The following JAML variants were observed in gnomAD, a reference collection of about 807,000 sequenced individuals.
JAML encodes junction adhesion molecule like.
In JAML, 25 loss-of-function variants were observed where a neutral mutation model predicts 39.3. The ratio of observed to expected loss-of-function variants is 0.64; its 90% CI spans 0.46 to 0.89. JAML has a LOEUF of 0.89. Ranked by LOEUF, JAML falls within the 40% of genes least tolerant of loss-of-function variation. The pLI, the probability that JAML is intolerant of heterozygous loss-of-function variation, is 0.00. For missense variants in JAML, 440 were observed against 486.9 expected, an observed-to-expected ratio of 0.90 and a Z score of 0.91; for synonymous variants, 162 against 179.2, an observed-to-expected ratio of 0.90 and a Z score of 0.77.
intron 2 of JAML, chr11:118,212,814 A>G (rs1949089138): frequency 2.5e-6 from 4 of 1,612,834 alleles, no homozygotes; most frequent in East Asian, 2.2e-5. Flanking sequence ...AGCCCCTTAC[A>G]CTTTTCTGGA....
chr11:118,197,795 G>T, intron 8 of JAML: 1 of 544,464 alleles, frequency 1.8e-6, no homozygotes, highest in Non-Finnish European at 3.3e-6. Flanking sequence ...AGGATCTGCT[G>T]CCTGGGGCTG....
rs1000668434 is a variant in JAML at position 118,203,685 on chromosome 11, A to C, written c.535-20T>G. ...CTCCTCCTAGAAGTGAAAGACAAAA[A>C]GTATGATATTGTGAGGACTGGAGTG... On this transcript the variant is annotated intron_variant, in intron 5 of 9. Transcript: ENST00000356289. 6.3e-6 allele frequency: 10 copies of C among 1,591,944 alleles called. No individual in the cohort carries two copies. The highest frequency in any genetic ancestry group is 6.9e-6 in the Non-Finnish European group (8 of 1,159,926).
chr11:118,210,669 A>G lies in JAML; in HGVS notation c.242T>C (p.Ile81Thr). 6.2e-7 allele frequency: 1 copy of G among 1,614,224 alleles called. No individual in the cohort carries two copies. Among genetic ancestry groups the G allele is most frequent in the Non-Finnish European group, 8.5e-7 (1 of 1,180,012 alleles). The change falls in exon 4 of 10, where the codon ATT becomes ACT. Residue 81 changes from isoleucine (I) to threonine (T), a missense_variant. Coordinates refer to ENST00000356289, the MANE Select transcript of JAML (RefSeq NM_001098526.2). ...LYYYSNLSVP[I>T]GRFQNRVHLM... is the part of the protein sequence containing the mutation. ...GTGTACGCGGTTCTGGAAGCGCCCA[A>G]TAGGCACACTGAGATTGGAGTAATA...
At chr11:118,217,179 G>A (rs77754980) in intron 1 of JAML, among the ~76,000 whole-genome samples, 2,076 of 152,306 alleles carry the variant, frequency 0.014, 45 homozygotes, top group African/African-American at 0.048. Flanking sequence ...TCCTGTTACC[G>A]TGGGGCAGCA....
At position 118,214,906 on chromosome 11, in the gene JAML, A is replaced by C. The variant is rs775988855; in HGVS notation, c.-20-20T>G. 1.2e-5 allele frequency: 19 copies of C among 1,602,206 alleles called. No homozygotes were observed. In the South Asian group the frequency reaches 1.3e-4, roughly 11 times the overall value. The stretch of plus-strand genomic sequence containing the variant: ...TCAAATCTTAAGATAAAAGAACAAA[A>C]ATCACAAAATCATGTCAAGAGAAGC... On this transcript the variant is annotated intron_variant, in intron 1 of 9. Coordinates refer to ENST00000356289, the MANE Select transcript of JAML (RefSeq NM_001098526.2).
rs768809230 is a variant in JAML, at chr11:118,200,563, C to T, written c.822G>A (p.Gln274=). The change falls in exon 7 of 10, where the codon CAG becomes CAA. Residue 274 remains glutamine, a synonymous_variant. Transcript: ENST00000356289. ...ALRPLVLGGN[Q]LVIIVGIVCA... ...AGACAATTCCCACAATGATCACCAA[C>T]TGATTACCACCCAAGACCAGAGGCC... 6.2e-7 allele frequency: 1 copy of T among 1,614,154 alleles called. No homozygotes were observed. Among genetic ancestry groups the T allele is most frequent in the East Asian group, 2.2e-5 (1 of 44,880 alleles).
intron 2 of JAML, chr11:118,213,095 C>T: frequency 1.3e-6 from 2 of 1,488,760 alleles, no homozygotes; most frequent in African/African-American, 1.4e-5. Context: ...GCACAGCTTT[C>T]CTCCTGCATT....
At chr11:118,219,431 A>G (rs1949185561) in intron 1 of JAML, among the ~76,000 whole-genome samples, 1 of 152,196 alleles carries the variant, frequency 6.6e-6, no homozygotes, top group African/African-American at 2.4e-5. Flanking sequence ...GGTGAGGAAG[A>G]ACAATGAACA....
At chr11:118,199,264 C>A (rs7116375) in intron 7 of JAML, among the ~76,000 whole-genome samples, 35,040 of 152,026 alleles carry the variant, frequency 0.23, 4,624 homozygotes, top group African/African-American at 0.36. Context: ...TGGCGGGAAA[C>A]TGAGGTCCCG....
rs774801390 is a variant in JAML at position 118,203,654 on chromosome 11, TACAATCTCCTC to T, written c.535_545del (p.Glu179IlefsTer34). 6.2e-7 allele frequency: 1 copy of T among 1,611,068 alleles called. No individual in the cohort carries two copies. The highest frequency in any genetic ancestry group is 1.3e-5 in the African/African-American group (1 of 74,884). On this transcript the variant is annotated frameshift_variant and splice_region_variant, in exon 6 of 10. Coordinates refer to ENST00000356289, the MANE Select transcript of JAML (RefSeq NM_001098526.2). LOFTEE classifies it high-confidence loss of function. The stretch of plus-strand genomic sequence containing the variant: ...TCCTGAGTTTGTGGTAGTAACGAAA[TACAATCTCCTC>T]CTAGAAGTGAAAGACAAAAAGTATG...
Position 118,218,872 on chromosome 11 carries a change from T to C in JAML, c.-20-3986A>G, listed in dbSNP as rs184372756. Reference sequence around the variant, plus strand: ...ACCTTGATAATAGACACCATTGACATTCACAACTTCTACACTGCTTCCTTC... The same window carrying C: ...ACCTTGATAATAGACACCATTGACACTCACAACTTCTACACTGCTTCCTTC... On this transcript the variant is annotated intron_variant, in intron 1 of 9. Transcript: ENST00000356289. 3.3e-5 allele frequency among the ~76,000 whole-genome samples: 5 copies of C among 152,196 alleles called. No individual in the cohort carries two copies. In the East Asian group the frequency reaches 9.6e-4, roughly 29 times the overall value.
intron 3 of JAML, among the ~76,000 whole-genome samples, chr11:118,210,991 C>T (rs951019621): frequency 7.2e-5 from 11 of 152,346 alleles, no homozygotes; most frequent in East Asian, 1.9e-4. Context: ...GATCACTCTA[C>T]GGTTTTTAAC....
chr11:118,202,046 G>C (rs1051810981), intron 6 of JAML: 1 of 152,364 alleles, frequency 6.6e-6, no homozygotes, highest in African/African-American at 2.4e-5. Context: ...AGAAGGCTGA[G>C]GATGGATAAT....
chr11:118,197,760 A>G (rs183500127), intron 8 of JAML: 23 of 479,474 alleles, frequency 4.8e-5, no homozygotes, highest in Non-Finnish European at 7.9e-5. Context: ...CTCCAAGCGC[A>G]GTGCTCTTTC....
intron 6 of JAML, chr11:118,203,167 C>T (rs556632289): frequency 1.6e-6 from 1 of 618,134 alleles, no homozygotes; most frequent in Non-Finnish European, 3.0e-6. Context: ...TGGGGTCTGG[C>T]AGAGGATTGG....
Position 118,196,744 on chromosome 11 carries a change from G to C in JAML, c.1083C>G (p.Tyr361Ter), listed in dbSNP as rs918437049. Reference protein sequence around the residue: ...EEPSEKSEATYMTMHPVWPSL... With the variant: ...EEPSEKSEAT Reference sequence around the variant, plus strand: ...CCAGAATCATTCTCACCATGGTCATGTAGGTGGCCTCTGATTTTTCACTTG... The same window carrying C: ...CCAGAATCATTCTCACCATGGTCATCTAGGTGGCCTCTGATTTTTCACTTG... Residue 361 changes from tyrosine (Y) to a stop codon, truncating the protein, a stop_gained, in exon 9 of 10, where the codon TAC (tyrosine) becomes TAG (stop). Transcript: ENST00000356289. LOFTEE classifies it low-confidence loss of function (END_TRUNC). 20 of 1,609,406 alleles carry C rather than the reference G, an allele frequency of 1.2e-5. No homozygotes were observed. The highest frequency in any genetic ancestry group is 1.4e-5 in the Non-Finnish European group (17 of 1,175,734).
chr11:118,212,466 T>C lies in JAML; in HGVS notation c.139A>G (p.Thr47Ala), dbSNP rs547712810. The C allele has an allele frequency of 6.2e-7, 1 of 1,614,176 alleles. No homozygotes were observed. Among genetic ancestry groups the C allele is most frequent in the East Asian group, 2.2e-5 (1 of 44,890 alleles). ...ATCTTGAATATACATTTGTCTTCTG[T>C]GCTCTGGAAAACACATCCCATCAGA... is the stretch of plus-strand genomic sequence containing the variant. ...SALMGCVFQS[T>A]EDKCIFKIDW... The change falls in exon 3 of 10, where the codon ACA (threonine) becomes GCA (alanine). Residue 47 changes from threonine to alanine, a missense_variant. By Grantham distance (58) the Thr-to-Ala change is moderately conservative. Coordinates refer to ENST00000356289, the MANE Select transcript of JAML (RefSeq NM_001098526.2).
chr11:118,210,422 T>A, intron 4 of JAML, 65 bp downstream of exon 4: 1 of 1,519,662 alleles, frequency 6.6e-7, no homozygotes, highest in Non-Finnish European at 9.0e-7. Flanking sequence ...GATAATCAGT[T>A]TCCTTGCCTC....
intron 6 of JAML, 55 bp from the exon 7 acceptor site, chr11:118,200,667 G>C: frequency 1.2e-6 from 2 of 1,606,312 alleles, no homozygotes; most frequent in Non-Finnish European, 1.7e-6. Flanking sequence ...AAAGAGCTGA[G>C]AGCCCCACAG....
Sources: allele counts gnomAD v4.1 joint callset (sites outside exome capture counted in the v4.1 genomes callset), GRCh38; gene constraint gnomAD v4.1.1; transcripts MANE v1.5; gene names NCBI Gene and HGNC (gene_info 2026-07-23, HGNC 2026-07-21).